The following MED13L variants were observed in gnomAD, a reference collection of about 807,000 sequenced individuals.
MED13L encodes the protein mediator of RNA polymerase II transcription subunit 13-like.
Under a neutral mutation model 220.9 loss-of-function variants are expected in MED13L, and 7 were observed. That is an observed-to-expected ratio of 0.03 (90% CI 0.02 to 0.06). The LOEUF (loss-of-function observed/expected upper bound fraction) is 0.06, where lower values mean the gene tolerates loss of function less well. MED13L is among the 10% of genes least tolerant of loss of function. The pLI, the probability that MED13L is intolerant of heterozygous loss-of-function variation, is 1.00. For missense variants in MED13L, 1,965 were observed against 2,760.5 expected (o/e 0.71, Z 6.46); for synonymous variants, 1,011 against 1,015.2 (o/e 1.00, Z 0.08).
At chr12:116,001,288 C>G (rs1878726275) in intron 14 of MED13L, among the ~76,000 whole-genome samples, 1 of 152,098 alleles carries the variant, frequency 6.6e-6, no homozygotes, top group African/African-American at 2.4e-5. Flanking sequence ...CCTCCGCCTC[C>G]TGGGTTCAAG....
chr12:115,983,627 C>T (rs1877489901), intron 20 of MED13L, 87 bp from the exon 21 acceptor site: 1 of 1,405,466 alleles, frequency 7.1e-7, no homozygotes, highest in Non-Finnish European at 1.0e-6. Context: ...CTTGTAAAAA[C>T]ATTATGCTTT....
intron 1 of MED13L, among the ~76,000 whole-genome samples, chr12:116,263,708 A>G (rs867388904): frequency 2.0e-5 from 3 of 152,208 alleles, no homozygotes; most frequent in Non-Finnish European, 4.4e-5. Context: ...ATTTATTTAT[A>G]TATCCCAAGG....
Position 116,096,737 on chromosome 12 carries a change from C to G in MED13L, c.411G>C (p.Lys137Asn). 6.2e-7 allele frequency: 1 copy of G among 1,613,654 alleles called. No individual in the cohort carries two copies. The highest frequency in any genetic ancestry group is 2.2e-5 in the East Asian group (1 of 44,838). Residue 137 changes from lysine (K) to asparagine (N), a missense_variant, in exon 4 of 31, where the codon AAG becomes AAC. Coordinates refer to ENST00000281928, the MANE Select transcript of MED13L (RefSeq NM_015335.5). ...HNLLERCLMDKNFVRIGKWFV... is the reference protein window; with the variant it reads ...HNLLERCLMDNNFVRIGKWFV... Reference sequence around the variant, plus strand: ...ACCATTTCCCAATCCTAACGAAGTTCTTATCCATTAGGCACCTAAAATAAT... The same window carrying G: ...ACCATTTCCCAATCCTAACGAAGTTGTTATCCATTAGGCACCTAAAATAAT...
intron 2 of MED13L, among the ~76,000 whole-genome samples, chr12:116,186,507 G>C (rs1880913795): frequency 6.6e-6 from 1 of 152,098 alleles, no homozygotes; most frequent in Non-Finnish European, 1.5e-5. Context: ...GATCCAGTAA[G>C]TTAGAAGCCT....
At chr12:116,253,332 T>C (rs893051067) in intron 1 of MED13L, among the ~76,000 whole-genome samples, 1 of 137,348 alleles carries the variant, frequency 7.3e-6, no homozygotes, top group African/African-American at 2.7e-5. Flanking sequence ...CACAAGAAAA[T>C]CTCCAAGGCA....
chr12:116,051,473 T>C (rs188385785), intron 4 of MED13L, among the ~76,000 whole-genome samples: 8 of 152,328 alleles, frequency 5.3e-5, no homozygotes, highest in Admixed American at 2.6e-4. Context: ...GGAGTAAATG[T>C]TGGCTACAGA....
chr12:116,254,447 G>C (rs1473429482), intron 1 of MED13L, among the ~76,000 whole-genome samples: 2 of 151,918 alleles, frequency 1.3e-5, no homozygotes, highest in African/African-American at 4.8e-5. Context: ...CAGTAAACAT[G>C]TCAAAAAATA....
At chr12:116,007,390 T>TGG in intron 11 of MED13L, 21 bp downstream of exon 11, 3 of 1,585,564 alleles carry the variant, frequency 1.9e-6, no homozygotes, top group Non-Finnish European at 2.6e-6. Flanking sequence ...CATGCTGGAC[T>TGG]CTCTCTCTGT....
intron 23 of MED13L, among the ~76,000 whole-genome samples, chr12:115,977,824 C>T (rs1012340231): frequency 6.6e-6 from 1 of 152,086 alleles, no homozygotes; most frequent in South Asian, 2.1e-4. Context: ...TAGCAAAACC[C>T]CTATCAAAAA....
chr12:116,066,091 ACTCT>A (rs369681097), intron 4 of MED13L, among the ~76,000 whole-genome samples: 18 of 151,754 alleles, frequency 1.2e-4, no homozygotes, highest in East Asian at 1.9e-4. Flanking sequence ...TCTGTCTTTG[ACTCT>A]CTCTCTCTCA....
intron 2 of MED13L, among the ~76,000 whole-genome samples, chr12:116,192,875 G>A (rs1043681761): frequency 2.0e-5 from 3 of 151,982 alleles, no homozygotes; most frequent in African/African-American, 7.3e-5. Context: ...GCTCATGCCT[G>A]TAATCCCAGC....
At chr12:116,118,868 T>C (rs1410385017) in intron 2 of MED13L, among the ~76,000 whole-genome samples, 1 of 152,234 alleles carries the variant, frequency 6.6e-6, no homozygotes, top group Non-Finnish European at 1.5e-5. Flanking sequence ...AAAAATTATT[T>C]TGAAACTTTG....
intron 2 of MED13L, chr12:116,181,026 G>T (rs1341687594): frequency 6.6e-6 from 1 of 150,958 alleles, no homozygotes; most frequent in East Asian, 1.9e-4. Context: ...TGCCTCCCAG[G>T]TTTAAGCAAT....
chr12:116,005,287 T>G (rs1354399642), intron 13 of MED13L, among the ~76,000 whole-genome samples: 1 of 152,180 alleles, frequency 6.6e-6, no homozygotes, highest in East Asian at 1.9e-4. Context: ...AGGACACACA[T>G]TTCCTGACTC....
Position 116,009,030 on chromosome 12 carries a change from A to C in MED13L, c.1383T>G (p.Pro461=), listed in dbSNP as rs767989881. The C allele has an allele frequency of 4.5e-5, 73 of 1,613,950 alleles. No homozygotes were observed. The highest frequency in any genetic ancestry group is 5.5e-5 in the Non-Finnish European group (65 of 1,180,004). The part of the protein sequence containing the change: ...AGPSSSSSLP[P]PASSKHKTAE... ...CTGTTTTGTGCTTAGAAGAAGCAGGAGGTGGTAAAGATGAAGATGATGATG... is the reference window on the plus strand; with the variant it reads ...CTGTTTTGTGCTTAGAAGAAGCAGGCGGTGGTAAAGATGAAGATGATGATG... The change falls in exon 10 of 31, where the codon CCT becomes CCG. Residue 461 remains proline (P), a synonymous_variant. Coordinates refer to ENST00000281928, the MANE Select transcript of MED13L (RefSeq NM_015335.5).
In MED13L at chr12:116,237,643, G is replaced by C. The variant is rs775007649; in HGVS notation, c.135C>G (p.Pro45=). ...CATCTTGGGCTGGGGCTGAAATTAT[G>C]GGTCCACAGTCCCCATGCCCTCCAA... ...YNFGGHGDCG[P]IISAPAQDDP... is the part of the protein sequence containing the mutation. The change falls in exon 2 of 31, where the codon CCC becomes CCG. Residue 45 remains proline (P), a synonymous_variant. Transcript: ENST00000281928. The C allele has an allele frequency of 1.1e-5, 18 of 1,613,992 alleles. No individual in the cohort carries two copies. Among genetic ancestry groups the C allele is most frequent in the Non-Finnish European group, 1.5e-5 (18 of 1,180,034 alleles).
rs770085462 is a variant in MED13L, at chr12:116,019,417, A to T, written c.821-5T>A. 1 of 1,613,414 alleles carries T rather than the reference A, an allele frequency of 6.2e-7. No individual in the cohort carries two copies. Among genetic ancestry groups the T allele is most frequent in the Non-Finnish European group, 8.5e-7 (1 of 1,179,450 alleles). ...GGTAAACCATCCGAACACCACCTAT[A>T]AGCAAAGAGAACAAGGAAAGAATCA... On this transcript the variant is annotated splice_region_variant and splice_polypyrimidine_tract_variant and intron_variant, in intron 6 of 30. Coordinates refer to ENST00000281928, the MANE Select transcript of MED13L (RefSeq NM_015335.5).
chr12:116,085,754 TCACACACACACA>T (rs10611880), intron 4 of MED13L, among the ~76,000 whole-genome samples: 8 of 147,122 alleles, frequency 5.4e-5, no homozygotes, highest in East Asian at 4.0e-4. Flanking sequence ...TTAAAATCAC[TCACACACACACA>T]CACACACACA....
At chr12:116,111,556 G>C (rs746869319) in intron 2 of MED13L, 44 bp from the exon 3 acceptor site, 180 of 1,441,790 alleles carry the variant, frequency 1.2e-4, no homozygotes, top group Non-Finnish European at 1.5e-4. Context: ...CCAGTAAAAA[G>C]GACATCCAAA....
Sources: gnomAD v4.1 joint callset for allele counts (sites outside exome capture counted in the v4.1 genomes callset) on GRCh38, gnomAD v4.1.1 for gene constraint, MANE v1.5 for transcripts, NCBI Gene and HGNC (gene_info 2026-07-23, HGNC 2026-07-21) for gene names.